The following PRMT3 variants were observed in gnomAD, a reference collection of about 807,000 sequenced individuals.
The protein encoded by PRMT3 is protein arginine methyltransferase 3.
Under a neutral mutation model 71.9 loss-of-function variants are expected in PRMT3, and 62 were observed. The observed-to-expected ratio is 0.86, with a 90% CI of 0.70 to 1.07. PRMT3 has a LOEUF of 1.07. Ranked by LOEUF, PRMT3 falls within the 50% of genes least tolerant of loss-of-function variation. PRMT3 has a pLI of 0.00. For synonymous variants in PRMT3, 213 were observed against 220.4 expected (o/e 0.97, Z 0.30); for missense variants, 663 against 643.0 (o/e 1.03, Z -0.34).
chr11:20,435,521 A>G (rs1392884460), intron 10 of PRMT3, among the ~76,000 whole-genome samples: 1 of 151,986 alleles, frequency 6.6e-6, no homozygotes, highest in Non-Finnish European at 1.5e-5. Flanking sequence ...ATGGTAGGAG[A>G]TAGGGATCTA....
chr11:20,490,476 T>C (rs1281708468), intron 13 of PRMT3, among the ~76,000 whole-genome samples: 2 of 152,200 alleles, frequency 1.3e-5, no homozygotes, highest in East Asian at 1.9e-4. Flanking sequence ...GATTTGGAGA[T>C]TGATTAATAA....
At chr11:20,459,196 C>T (rs1363322385) in intron 11 of PRMT3, among the ~76,000 whole-genome samples, 1 of 152,072 alleles carries the variant, frequency 6.6e-6, no homozygotes. Context: ...AGTCTGCTGA[C>T]CCTGATAGAG....
At chr11:20,502,214 A>C (rs926523918) in intron 15 of PRMT3, among the ~76,000 whole-genome samples, 3 of 152,178 alleles carry the variant, frequency 2.0e-5, no homozygotes, top group Admixed American at 6.5e-5. Flanking sequence ...TAACAACATC[A>C]GTCATTTTAT....
intron 13 of PRMT3, among the ~76,000 whole-genome samples, chr11:20,476,316 C>A (rs1379021567): frequency 6.6e-6 from 1 of 152,106 alleles, no homozygotes; most frequent in African/African-American, 2.4e-5. Context: ...CACCCTATTG[C>A]ACTCCAGTCT....
intron 6 of PRMT3, among the ~76,000 whole-genome samples, chr11:20,396,949 A>G (rs180870946): frequency 6.6e-6 from 1 of 152,322 alleles, no homozygotes; most frequent in African/African-American, 2.4e-5. Context: ...AATGTCCAGC[A>G]GGAAAGATAG....
At chr11:20,394,112 G>A (rs900961797) in intron 5 of PRMT3, among the ~76,000 whole-genome samples, 3 of 152,160 alleles carry the variant, frequency 2.0e-5, no homozygotes, top group Non-Finnish European at 2.9e-5. Context: ...TTCCAAGGAC[G>A]TGTCTTCACA....
intron 12 of PRMT3, among the ~76,000 whole-genome samples, chr11:20,462,950 C>G (rs1366264897): frequency 6.6e-6 from 1 of 152,008 alleles, no homozygotes; most frequent in Admixed American, 6.6e-5. Flanking sequence ...ACTGCAATCT[C>G]CGCCTCCCGT....
intron 15 of PRMT3, among the ~76,000 whole-genome samples, chr11:20,498,826 T>C (rs979470932): frequency 2.6e-5 from 4 of 152,222 alleles, no homozygotes; most frequent in Non-Finnish European, 2.9e-5. Flanking sequence ...AGATTCTGCA[T>C]CTACAAGAAA....
intron 7 of PRMT3, among the ~76,000 whole-genome samples, chr11:20,400,890 G>C (rs151008912): frequency 6.6e-6 from 1 of 151,534 alleles, no homozygotes; most frequent in African/African-American, 2.4e-5. Context: ...TTGTATTGAC[G>C]TGTTAGCCTT....
intron 9 of PRMT3, among the ~76,000 whole-genome samples, chr11:20,413,905 G>A (rs919465966): frequency 6.6e-6 from 1 of 151,766 alleles, no homozygotes; most frequent in Non-Finnish European, 1.5e-5. Flanking sequence ...CCCTTCTGAG[G>A]CCCTTTTCTC....
At chr11:20,405,618 C>T (rs1849052947) in intron 8 of PRMT3, 1 of 152,088 alleles carries the variant, frequency 6.6e-6, no homozygotes, top group African/African-American at 2.4e-5. Flanking sequence ...GGATTTCATA[C>T]ACATACACAT....
intron 9 of PRMT3, among the ~76,000 whole-genome samples, chr11:20,416,919 CT>C (rs1159679859): frequency 2.0e-5 from 3 of 152,056 alleles, no homozygotes; most frequent in African/African-American, 7.2e-5. Flanking sequence ...GGACTGGATA[CT>C]TTAATAAAGA....
intron 5 of PRMT3, among the ~76,000 whole-genome samples, chr11:20,395,556 T>C (rs1463636546): frequency 6.6e-6 from 1 of 151,962 alleles, no homozygotes; most frequent in African/African-American, 2.4e-5. Context: ...TTTCACCAAA[T>C]TGGCCAGGCT....
intron 9 of PRMT3, among the ~76,000 whole-genome samples, chr11:20,415,951 T>A (rs1177144868): frequency 2.6e-5 from 4 of 152,138 alleles, no homozygotes; most frequent in African/African-American, 7.2e-5. Flanking sequence ...TTCTTCCGAG[T>A]TGTAAACCTG....
intron 15 of PRMT3, among the ~76,000 whole-genome samples, chr11:20,495,369 C>T (rs1851308871): frequency 6.6e-6 from 1 of 151,736 alleles, no homozygotes; most frequent in Non-Finnish European, 1.5e-5. Context: ...CTCTACAAAA[C>T]AATAAAAATT....
chr11:20,432,766 A>G (rs1849682174), intron 10 of PRMT3, among the ~76,000 whole-genome samples: 1 of 152,202 alleles, frequency 6.6e-6, no homozygotes, highest in African/African-American at 2.4e-5. Flanking sequence ...ATGAAATAAT[A>G]TCACATTATA....
chr11:20,493,954 G>A lies in PRMT3; in HGVS notation c.1383G>A (p.Lys461=). ...IAGYFDIYFE[K]NCHNRVVFST... ...GCTACTTTGATATATATTTTGAGAA[G>A]AATTGCCACAACAGGGTAAGTATCA... Residue 461 remains lysine, a synonymous_variant, in exon 14 of 16, where the codon AAG becomes AAA. Transcript: ENST00000331079. 1.3e-6 allele frequency: 2 copies of A among 1,590,336 alleles called. No homozygotes were observed. The highest frequency in any genetic ancestry group is 1.7e-6 in the Non-Finnish European group (2 of 1,163,204).
At chr11:20,478,619 T>C (rs1337503496) in intron 13 of PRMT3, among the ~76,000 whole-genome samples, 1 of 152,140 alleles carries the variant, frequency 6.6e-6, no homozygotes, top group Non-Finnish European at 1.5e-5. Flanking sequence ...AAAACAAGTC[T>C]TTCAGTTACT....
At chr11:20,441,071 ATATAT>A (rs1849883911) in intron 10 of PRMT3, among the ~76,000 whole-genome samples, 1 of 151,882 alleles carries the variant, frequency 6.6e-6, no homozygotes, top group South Asian at 2.1e-4. Context: ...TTACAGGTTG[ATATAT>A]TGTAATAATA....
Sources: gnomAD v4.1 joint callset for allele counts (sites outside exome capture counted in the v4.1 genomes callset) on GRCh38, gnomAD v4.1.1 for gene constraint, MANE v1.5 for transcripts, NCBI Gene and HGNC (gene_info 2026-07-23, HGNC 2026-07-21) for gene names.